PLBD2: variants seen among roughly 807,000 people sequenced by gnomAD.
The protein encoded by PLBD2 is putative aminopeptidase PLBD2.
A neutral mutation model predicts 68.3 loss-of-function variants in PLBD2; 51 were observed. That is an observed-to-expected ratio of 0.75 (90% CI 0.60 to 0.94). The LOEUF is 0.94. Among genes scored for constraint, PLBD2 ranks in the 40% least tolerant of loss-of-function variants. The pLI is 0.00. For missense variants in PLBD2, 729 were observed against 792.2 expected (o/e 0.92, Z 0.96); for synonymous variants, 314 against 339.3 (o/e 0.93, Z 0.82).
intron 11 of PLBD2, among the ~76,000 whole-genome samples, chr12:113,388,171 G>A (rs1229730902): frequency 1.3e-5 from 2 of 152,042 alleles, no homozygotes; most frequent in East Asian, 1.9e-4. Flanking sequence ...GTGAAAACCC[G>A]TCTCTACTAA....
chr12:113,387,717 T>G, intron 10 of PLBD2, 27 bp from the exon 11 acceptor site: 1 of 1,607,574 alleles, frequency 6.2e-7, no homozygotes, highest in East Asian at 2.2e-5. Context: ...CTGGGATGAC[T>G]GATGTTCCCT....
intron 1 of PLBD2, among the ~76,000 whole-genome samples, chr12:113,367,433 G>A (rs1049670254): frequency 6.6e-6 from 1 of 152,166 alleles, no homozygotes; most frequent in Non-Finnish European, 1.5e-5. Flanking sequence ...GACTGGCAGT[G>A]TTGGCATTAC....
intron 5 of PLBD2, among the ~76,000 whole-genome samples, chr12:113,378,098 A>T (rs954605272): frequency 2.6e-5 from 4 of 152,178 alleles, no homozygotes; most frequent in African/African-American, 9.6e-5. Context: ...GGAGTTCGAG[A>T]CTGGCCAACA....
At chr12:113,387,606 C>G in intron 10 of PLBD2, 138 bp from the exon 11 acceptor site, 1 of 932,064 alleles carries the variant, frequency 1.1e-6, no homozygotes, top group South Asian at 1.5e-5. Context: ...GAGGAACTGT[C>G]GGGGGTAGTG....
chr12:113,390,976 C>T lies in PLBD2; in HGVS notation c.*2350C>T, dbSNP rs1023360750. 6.6e-6 allele frequency: 1 copy of T among 152,126 alleles called. No homozygotes were observed. The highest frequency in any genetic ancestry group is 6.6e-5 in the Admixed American group (1 of 15,258). The allele number at this position is 152,126 out of a possible 1,614,324, so 9.4% of individuals were successfully genotyped here. A position where few individuals can be genotyped will look rare whatever the true frequency, so the allele number is the denominator to read the frequency against. On this transcript the variant is annotated 3_prime_UTR_variant, in exon 12 of 12. Coordinates refer to ENST00000280800, the MANE Select transcript of PLBD2 (RefSeq NM_173542.4). The stretch of plus-strand genomic sequence containing the variant: ...TCTGTGCAGATTCATTAATATCCAC[C>T]CATGCATCCATATTTATCTATTTTC...
rs906597593 is a variant in PLBD2, at chr12:113,391,317, C to G, written c.*2691C>G. 3.3e-5 allele frequency: 5 copies of G among 152,202 alleles called. No individual in the cohort carries two copies. The highest frequency in any genetic ancestry group is 6.5e-5 in the Admixed American group (1 of 15,280). 9.4% of individuals were successfully genotyped at this position (152,202 alleles called of 1,614,324 possible). On this transcript the variant is annotated 3_prime_UTR_variant, in exon 12 of 12. Transcript: ENST00000280800. ...GCTAGCTATGGACTCCTCTCTGAGC[C>G]TCGATTACCTCATCTGTGAAATGGG...
intron 6 of PLBD2, among the ~76,000 whole-genome samples, chr12:113,381,210 A>T (rs1957486855): frequency 6.6e-6 from 1 of 151,712 alleles, no homozygotes; most frequent in East Asian, 1.9e-4. Context: ...CAGTGACCTC[A>T]CTTGTTTTTA....
chr12:113,377,144 T>G (rs1299800306), intron 5 of PLBD2: 51 of 152,226 alleles, frequency 3.4e-4, no homozygotes, highest in Admixed American at 3.3e-3. Context: ...ACATTTCAGC[T>G]TCTGCATGGG....
intron 5 of PLBD2, among the ~76,000 whole-genome samples, chr12:113,376,622 A>G (rs1476350180): frequency 6.6e-6 from 1 of 152,186 alleles, no homozygotes; most frequent in Non-Finnish European, 1.5e-5. Flanking sequence ...GCAAACAACC[A>G]ATTGCAAGGA....
In PLBD2 at chr12:113,384,650, A is replaced by G. The variant is rs553709900; in HGVS notation, c.1119-201A>G. 6.6e-6 allele frequency among the ~76,000 whole-genome samples: 1 copy of G among 152,158 alleles called. No homozygotes were observed. The highest frequency in any genetic ancestry group is 2.1e-4 in the South Asian group (1 of 4,834). On this transcript the variant is annotated intron_variant, in intron 7 of 11. Transcript: ENST00000280800. The surrounding 1 kb of genome is among the most constrained non-coding windows in gnomAD (Gnocchi z 4.2). ...GAGCTGACCTAGGGAGCCACAGAAT[A>G]TTCTGGAACAGTCAAGCAGCATGAC...
chr12:113,369,168 G>A lies in PLBD2; in HGVS notation c.343G>A (p.Ala115Thr). 1 of 1,607,514 alleles carries A rather than the reference G, an allele frequency of 6.2e-7. No individual in the cohort carries two copies. The highest frequency in any genetic ancestry group is 1.1e-5 in the South Asian group (1 of 89,390). Reference protein sequence around the residue: ...TSGQYNDSLQAYAAGVVEAAV... With the variant: ...TSGQYNDSLQTYAAGVVEAAV... Reference sequence around the variant, plus strand: ...TGGCCAATACAATGACAGCTTGCAGGCCTATGCAGCCGGTGTGGTGGAGGC... The same window carrying A: ...TGGCCAATACAATGACAGCTTGCAGACCTATGCAGCCGGTGTGGTGGAGGC... The change falls in exon 2 of 12, where the codon GCC becomes ACC. Residue 115 changes from alanine (A) to threonine (T), a missense_variant. Coordinates refer to ENST00000280800, the MANE Select transcript of PLBD2 (RefSeq NM_173542.4).
rs761409025 is a variant in PLBD2, at chr12:113,374,425, G to A, written c.544-49G>A. The A allele has an allele frequency of 1.5e-5, 19 of 1,268,710 alleles. No individual in the cohort carries two copies. In the East Asian group the frequency reaches 4.3e-4, roughly 28 times the overall value. 78.6% of individuals were successfully genotyped at this position (1,268,710 alleles called of 1,614,324 possible). On this transcript the variant is annotated intron_variant, in intron 3 of 11. Transcript: ENST00000280800. ...CGTCCCGTTGAAGGAGAAGGTGTGA[G>A]CCTGGAGGAGAGGCCTCACCCTCCC...
chr12:113,384,019 AAT>A lies in PLBD2; in HGVS notation c.958-85_958-84del. On this transcript the variant is annotated intron_variant, in intron 6 of 11. Transcript: ENST00000280800. The surrounding 1 kb of genome is among the most constrained non-coding windows in gnomAD (Gnocchi z 4.2). ...CTCAAAAAAAAAAAAAAAAAAAAAA[AAT>A]TTTTGGAGCCATGACTGATGAAGTA... is the stretch of plus-strand genomic sequence containing the variant. 17 of 1,122,060 alleles carry A rather than the reference AAT, an allele frequency of 1.5e-5. No homozygotes were observed. Among genetic ancestry groups the A allele is most frequent in the South Asian group, 8.3e-5 (3 of 36,204 alleles). 69.5% of individuals were successfully genotyped at this position (1,122,060 alleles called of 1,614,324 possible).
At chr12:113,378,475 C>G (rs961991199) in intron 5 of PLBD2, among the ~76,000 whole-genome samples, 2 of 152,110 alleles carry the variant, frequency 1.3e-5, no homozygotes, top group Non-Finnish European at 2.9e-5. Context: ...GCCCACTAGG[C>G]TGCCTTGGAG....
chr12:113,387,875 G>A lies in PLBD2; in HGVS notation c.1571G>A (p.Arg524His), dbSNP rs1458142574. 1.1e-5 allele frequency: 18 copies of A among 1,614,188 alleles called. No homozygotes were observed. Among genetic ancestry groups the A allele is most frequent in the East Asian group, 6.7e-5 (3 of 44,882 alleles). The change falls in exon 11 of 12, where the codon CGT becomes CAT. Residue 524 changes from arginine (R) to histidine (H), a missense_variant. Coordinates refer to ENST00000280800, the MANE Select transcript of PLBD2 (RefSeq NM_173542.4). ...ANGSYPFQAL[R>H]QRSHGGIDVK... ...GGCTCCTACCCCTTCCAGGCCCTGC[G>A]TCAGCGCTCCCATGGGGGTATCGAT...
At chr12:113,373,010 A>G (rs1474357937) in intron 3 of PLBD2, among the ~76,000 whole-genome samples, 4 of 152,204 alleles carry the variant, frequency 2.6e-5, no homozygotes, top group Non-Finnish European at 5.9e-5. Context: ...CCAGCCATCC[A>G]TCCTAGCCTA....
In PLBD2 at chr12:113,369,779, G is replaced by A. The variant is rs905183626; in HGVS notation, c.384+570G>A. ...TAGTGGTGCCAGGGACTTGGGGGGA[G>A]TGGGGAGTGGGGAGTGACTGCTGAT... is the stretch of plus-strand genomic sequence containing the variant. On this transcript the variant is annotated intron_variant, in intron 2 of 11. Coordinates refer to ENST00000280800, the MANE Select transcript of PLBD2 (RefSeq NM_173542.4). Among the ~76,000 whole-genome samples the A allele has an allele frequency of 5.3e-5, 8 of 152,230 alleles. No homozygotes were observed. The South Asian group carries it at 1.0e-3, about 20-fold the overall frequency.
chr12:113,374,291 G>A (rs1325300651), intron 3 of PLBD2, among the ~76,000 whole-genome samples, 183 bp from the exon 4 acceptor site: 1 of 152,164 alleles, frequency 6.6e-6, no homozygotes, highest in Admixed American at 6.6e-5. Context: ...GAAAGCAGGA[G>A]AGTGCTCAGC....
intron 1 of PLBD2, among the ~76,000 whole-genome samples, chr12:113,362,346 C>T (rs1044937404): frequency 6.6e-5 from 10 of 151,018 alleles, no homozygotes; most frequent in Non-Finnish European, 1.3e-4. Context: ...AAAAAAAAGG[C>T]TGAGATAGGA....
Sources: allele counts gnomAD v4.1 joint callset (sites outside exome capture counted in the v4.1 genomes callset), GRCh38; gene constraint gnomAD v4.1.1; non-coding constraint Gnocchi (gnomAD v3.1); transcripts MANE v1.5; gene names NCBI Gene and HGNC (gene_info 2026-07-23, HGNC 2026-07-21).